Variants in SCFD1 observed in about 807,000 individuals in gnomAD.
The protein encoded by SCFD1 is sec1 family domain-containing protein 1.
In SCFD1, 37 loss-of-function variants were observed where a neutral mutation model predicts 103.2. That is an observed-to-expected ratio of 0.36 (90% CI 0.28 to 0.47). The LOEUF (loss-of-function observed/expected upper bound fraction) is 0.47. Ranked by LOEUF, SCFD1 falls within the 20% of genes least tolerant of loss-of-function variation. SCFD1 has a pLI of 1.00. For synonymous variants in SCFD1, 264 were observed against 245.0 expected (o/e 1.08, Z -0.73); for missense variants, 639 against 761.2 (o/e 0.84, Z 1.89).
intron 15 of SCFD1, among the ~76,000 whole-genome samples, chr14:30,696,340 GTC>G (rs1269216451): frequency 6.6e-5 from 10 of 152,252 alleles, no homozygotes; most frequent in African/African-American, 2.4e-4. Flanking sequence ...AGTTATATAA[GTC>G]TATCATTTCT....
chr14:30,728,855 T>C (rs866704570), intron 23 of SCFD1, among the ~76,000 whole-genome samples: 2,357 of 144,024 alleles, frequency 0.016, 83 homozygotes, highest in African/African-American at 0.061. Flanking sequence ...TTTTTTTTTT[T>C]TCCCCCCGAG....
At chr14:30,708,654 C>T (rs1891649066) in intron 19 of SCFD1, among the ~76,000 whole-genome samples, 2 of 150,380 alleles carry the variant, frequency 1.3e-5, no homozygotes, top group Non-Finnish European at 2.9e-5. Flanking sequence ...TGAACTGTTA[C>T]ATAATGAATA....
intron 16 of SCFD1, among the ~76,000 whole-genome samples, chr14:30,701,384 A>T (rs773298079): frequency 6.6e-6 from 1 of 152,060 alleles, no homozygotes; most frequent in Non-Finnish European, 1.5e-5. Context: ...GTGAAACCCC[A>T]TCTCTACTAA....
intron 3 of SCFD1, 105 bp downstream of exon 3, chr14:30,630,670 T>A (rs1047986396): frequency 2.9e-6 from 2 of 685,932 alleles, no homozygotes; most frequent in African/African-American, 3.7e-5. Flanking sequence ...ATTTTTTCCC[T>A]GTATCTTCTT....
intron 14 of SCFD1, chr14:30,675,281 A>G (rs1888935869): frequency 2.8e-6 from 1 of 360,162 alleles, no homozygotes; most frequent in Admixed American, 4.7e-5. Context: ...TTTAGTAAAT[A>G]GAAGTGGGAA....
chr14:30,694,913 C>T (rs766930199), intron 15 of SCFD1, 44 bp downstream of exon 15: 49 of 1,555,112 alleles, frequency 3.2e-5, no homozygotes, highest in Admixed American at 4.3e-5. Context: ...TCATATCTGA[C>T]GAAAGCAGCA....
intron 16 of SCFD1, among the ~76,000 whole-genome samples, chr14:30,701,742 C>T (rs561765917): frequency 9.2e-5 from 14 of 151,668 alleles, no homozygotes; most frequent in South Asian, 2.1e-4. Flanking sequence ...TTTAAGTGAT[C>T]GTTAAGATAG....
chr14:30,666,769 A>T (rs537148301), intron 10 of SCFD1, among the ~76,000 whole-genome samples: 1 of 152,324 alleles, frequency 6.6e-6, no homozygotes, highest in East Asian at 1.9e-4. Flanking sequence ...GAATACTATA[A>T]ACACCTCTAT....
At chr14:30,724,356 G>A (rs1358757993) in intron 23 of SCFD1, among the ~76,000 whole-genome samples, 2 of 143,284 alleles carry the variant, frequency 1.4e-5, no homozygotes, top group African/African-American at 2.6e-5. Flanking sequence ...AGATTCAAGC[G>A]ATTCTCCTGC....
At chr14:30,634,841 G>A (rs1360638882) in intron 4 of SCFD1, 1 of 455,994 alleles carries the variant, frequency 2.2e-6, no homozygotes, top group Admixed American at 2.3e-5. Context: ...CATGGACTGT[G>A]CCAGCCCTGA....
chr14:30,635,151 G>A (rs780949703), intron 4 of SCFD1: 1 of 354,816 alleles, frequency 2.8e-6, no homozygotes, highest in Non-Finnish European at 5.5e-6. Flanking sequence ...GCTTTATGAT[G>A]CCCAGCTTTC....
intron 10 of SCFD1, among the ~76,000 whole-genome samples, chr14:30,669,096 A>G (rs1231354193): frequency 5.3e-5 from 8 of 152,104 alleles, no homozygotes; most frequent in Admixed American, 5.2e-4. Context: ...TTTATGTCAA[A>G]GAGAAAAATG....
At chr14:30,675,654 C>T (rs1888971081) in intron 14 of SCFD1, among the ~76,000 whole-genome samples, 1 of 152,136 alleles carries the variant, frequency 6.6e-6, no homozygotes, top group South Asian at 2.1e-4. Context: ...TATTTGTTCT[C>T]CACACTTGGA....
chr14:30,644,331 G>A (rs755260377), intron 7 of SCFD1, among the ~76,000 whole-genome samples: 3 of 152,044 alleles, frequency 2.0e-5, no homozygotes, highest in African/African-American at 7.2e-5. Context: ...TGTCTTTTTC[G>A]TAGAATGAGT....
intron 14 of SCFD1, among the ~76,000 whole-genome samples, chr14:30,677,020 A>G (rs2081105352): frequency 6.6e-6 from 1 of 152,202 alleles, no homozygotes; most frequent in Non-Finnish European, 1.5e-5. Context: ...AACCTAAACA[A>G]TTCTACTTGA....
chr14:30,654,906 C>T (rs926359553), intron 10 of SCFD1, among the ~76,000 whole-genome samples: 3 of 152,074 alleles, frequency 2.0e-5, no homozygotes, highest in Admixed American at 2.0e-4. Context: ...AAATTAAACC[C>T]TAAGTAGTAG....
chr14:30,728,812 G>A (rs897035324), intron 23 of SCFD1, among the ~76,000 whole-genome samples: 1 of 149,428 alleles, frequency 6.7e-6, no homozygotes, highest in Non-Finnish European at 1.5e-5. Flanking sequence ...TATCTTTGGA[G>A]AAATGTCTGT....
chr14:30,665,281 A>C (rs139661937), intron 10 of SCFD1, among the ~76,000 whole-genome samples: 2,540 of 152,304 alleles, frequency 0.017, 93 homozygotes, highest in African/African-American at 0.057. Context: ...AATTTCATAT[A>C]CAGCCAAACT....
intron 16 of SCFD1, among the ~76,000 whole-genome samples, chr14:30,701,942 G>T (rs1891109354): frequency 6.6e-6 from 1 of 152,158 alleles, no homozygotes; most frequent in Non-Finnish European, 1.5e-5. Flanking sequence ...TGTGTTTCTG[G>T]TTTAGAAATA....
Sources: allele counts gnomAD v4.1 joint callset (sites outside exome capture counted in the v4.1 genomes callset), GRCh38; gene constraint gnomAD v4.1.1; transcripts MANE v1.5; gene names NCBI Gene and HGNC (gene_info 2026-07-23, HGNC 2026-07-21).